RNGTT: variants seen among roughly 807,000 people sequenced by gnomAD.
RNGTT encodes the protein mRNA-capping enzyme.
In RNGTT, 33 loss-of-function variants were observed where a neutral mutation model predicts 79.3. That is an observed-to-expected ratio of 0.42 (90% CI 0.32 to 0.56). The LOEUF (loss-of-function observed/expected upper bound fraction) is 0.56, where lower values mean the gene tolerates loss of function less well. RNGTT is among the 20% of genes least tolerant of loss of function. RNGTT has a pLI of 0.17. For missense variants in RNGTT, 497 were observed against 739.1 expected (o/e 0.67, Z 3.80); for synonymous variants, 222 against 235.9 (o/e 0.94, Z 0.54).
At chr6:88,646,029 T>C (rs1318016001) in intron 14 of RNGTT, among the ~76,000 whole-genome samples, 2 of 152,234 alleles carry the variant, frequency 1.3e-5, no homozygotes, top group Admixed American at 1.3e-4. Flanking sequence ...AAAGAGCTTC[T>C]GCACAGCAAA....
intron 13 of RNGTT, among the ~76,000 whole-genome samples, chr6:88,744,885 TAAC>T (rs1349569627): frequency 1.3e-5 from 2 of 152,178 alleles, no homozygotes; most frequent in Non-Finnish European, 2.9e-5. Flanking sequence ...TTAATATAAA[TAAC>T]AAGCTAAGGA....
chr6:88,624,461 CA>C (rs1562155019), intron 14 of RNGTT, among the ~76,000 whole-genome samples: 1 of 151,738 alleles, frequency 6.6e-6, no homozygotes, highest in African/African-American at 2.4e-5. Flanking sequence ...GACCAAGGCA[CA>C]AAGGCAATGC....
At chr6:88,638,349 C>T (rs1257775604) in intron 14 of RNGTT, among the ~76,000 whole-genome samples, 1 of 152,038 alleles carries the variant, frequency 6.6e-6, no homozygotes, top group Non-Finnish European at 1.5e-5. Flanking sequence ...AATTCAATTC[C>T]GTCAAAAGCT....
chr6:88,874,306 G>C (rs189914164), intron 8 of RNGTT, among the ~76,000 whole-genome samples: 3 of 152,132 alleles, frequency 2.0e-5, no homozygotes, highest in Non-Finnish European at 4.4e-5. Flanking sequence ...AAATTTAAAA[G>C]CCACTTAACG....
intron 14 of RNGTT, among the ~76,000 whole-genome samples, chr6:88,640,258 C>T (rs890135805): frequency 6.6e-6 from 1 of 151,682 alleles, no homozygotes; most frequent in Non-Finnish European, 1.5e-5. Context: ...TGTCATTTAT[C>T]GAGCAATAAA....
At chr6:88,799,700 C>CAAA (rs36033019) in intron 12 of RNGTT, among the ~76,000 whole-genome samples, 791 of 46,168 alleles carry the variant, frequency 0.017, 40 homozygotes, top group African/African-American at 0.064. Flanking sequence ...AACTCCATCT[C>CAAA]AAAAAAAAAA....
chr6:88,777,482 A>G (rs2127847377), intron 12 of RNGTT, among the ~76,000 whole-genome samples: 1 of 152,290 alleles, frequency 6.6e-6, no homozygotes, highest in East Asian at 1.9e-4. Flanking sequence ...TTAACATGGA[A>G]TATCTTTCTA....
chr6:88,767,546 G>A (rs1301955494), intron 13 of RNGTT, among the ~76,000 whole-genome samples: 1 of 151,740 alleles, frequency 6.6e-6, no homozygotes, highest in Non-Finnish European at 1.5e-5. Flanking sequence ...GAAACAATCC[G>A]AGAGTCTATA....
At chr6:88,658,220 C>A (rs1380871240) in intron 14 of RNGTT, among the ~76,000 whole-genome samples, 5 of 152,198 alleles carry the variant, frequency 3.3e-5, no homozygotes, top group Non-Finnish European at 7.3e-5. Context: ...CCACCACCTG[C>A]AACACCTTGG....
In RNGTT at chr6:88,925,165, GA is replaced by G. The variant is rs1163599640; in HGVS notation, c.367+3819del. Among the ~76,000 whole-genome samples the G allele has an allele frequency of 4.7e-5, 7 of 149,824 alleles. No individual in the cohort carries two copies. The East Asian group carries it at 9.7e-4, about 21-fold the overall frequency. On this transcript the variant is annotated intron_variant, in intron 4 of 15. Transcript: ENST00000369485. Reference sequence around the variant, plus strand: ...ATCCTTGTTAGTATAGCAGTGACAAGAAAAAAAAAGAAAAAACCTGGCTCAA... The same window carrying G: ...ATCCTTGTTAGTATAGCAGTGACAAGAAAAAAAAGAAAAAACCTGGCTCAA...
At chr6:88,666,427 T>C (rs1376002333) in intron 14 of RNGTT, among the ~76,000 whole-genome samples, 1 of 152,178 alleles carries the variant, frequency 6.6e-6, no homozygotes, top group Non-Finnish European at 1.5e-5. Flanking sequence ...AACTAACTCT[T>C]AGGCAAAACT....
At chr6:88,903,130 G>A (rs1783530291) in intron 6 of RNGTT, among the ~76,000 whole-genome samples, 1 of 152,190 alleles carries the variant, frequency 6.6e-6, no homozygotes, top group Non-Finnish European at 1.5e-5. Flanking sequence ...CAAAAAAAGA[G>A]TAAGACAATT....
At chr6:88,945,543 T>C (rs768993509) in intron 1 of RNGTT, among the ~76,000 whole-genome samples, 2 of 152,216 alleles carry the variant, frequency 1.3e-5, no homozygotes, top group Non-Finnish European at 2.9e-5. Flanking sequence ...CCCTCTTTTT[T>C]CTTTAACCAA....
chr6:88,949,360 G>C (rs919520157), intron 1 of RNGTT, among the ~76,000 whole-genome samples: 3 of 150,178 alleles, frequency 2.0e-5, no homozygotes, highest in African/African-American at 7.4e-5. Context: ...CACCTCCCAG[G>C]TTCAAACGAT....
chr6:88,940,008 T>G (rs1329102848), intron 2 of RNGTT, among the ~76,000 whole-genome samples: 2 of 151,482 alleles, frequency 1.3e-5, no homozygotes, highest in East Asian at 3.9e-4. Context: ...TCCTCCTGCC[T>G]CAGTCTCCCA....
At chr6:88,919,029 C>A (rs1281836045) in intron 4 of RNGTT, among the ~76,000 whole-genome samples, 1 of 152,068 alleles carries the variant, frequency 6.6e-6, no homozygotes, top group African/African-American at 2.4e-5. Context: ...AAGTCTTAGT[C>A]TAATGGTTCA....
intron 14 of RNGTT, among the ~76,000 whole-genome samples, chr6:88,663,033 G>A (rs1323444026): frequency 2.0e-5 from 3 of 152,114 alleles, no homozygotes; most frequent in Non-Finnish European, 2.9e-5. Context: ...CTATGATTTC[G>A]GCTCTGACTT....
chr6:88,794,507 G>A (rs1024278691), intron 12 of RNGTT, among the ~76,000 whole-genome samples: 1 of 152,240 alleles, frequency 6.6e-6, no homozygotes, highest in South Asian at 2.1e-4. Flanking sequence ...AGACATACTG[G>A]GCTAAACGCT....
At chr6:88,678,649 T>C (rs940270636) in intron 13 of RNGTT, among the ~76,000 whole-genome samples, 1 of 152,028 alleles carries the variant, frequency 6.6e-6, no homozygotes, top group African/African-American at 2.4e-5. Flanking sequence ...CCAAGTGTGG[T>C]TGTGTGTGCC....
Sources: gnomAD v4.1 joint callset for allele counts (sites outside exome capture counted in the v4.1 genomes callset) on GRCh38, gnomAD v4.1.1 for gene constraint, MANE v1.5 for transcripts, NCBI Gene and HGNC (gene_info 2026-07-23, HGNC 2026-07-21) for gene names.